The following CCDC180 variants were observed in gnomAD, a reference collection of about 807,000 sequenced individuals.
The protein encoded by CCDC180 is coiled-coil domain-containing protein 180.
Under a neutral mutation model 209.2 loss-of-function variants are expected in CCDC180, and 154 were observed. That is an observed-to-expected ratio of 0.74 (90% CI 0.65 to 0.84). The LOEUF (loss-of-function observed/expected upper bound fraction) is 0.84, where lower values mean the gene tolerates loss of function less well. Among genes scored for constraint, CCDC180 ranks in the 40% least tolerant of loss-of-function variants. The pLI is 0.00. For missense variants in CCDC180, 1,874 were observed against 1,997.3 expected (o/e 0.94, Z 1.18); for synonymous variants, 778 against 749.1 (o/e 1.04, Z -0.63).
rs1471092932 is a variant in CCDC180 at position 97,330,613 on chromosome 9, C to T, written c.2120C>T (p.Ser707Phe). The change falls in exon 18 of 37, where the codon TCC becomes TTC. Residue 707 changes from serine (S) to phenylalanine (F), a missense_variant. By Grantham distance (155) the Ser-to-Phe change is radical (BLOSUM62 -2). Transcript: ENST00000529487. ...QVEREGSLNP[S>F]LNEENVKGQG... ...GAAAGAGAGGGCTCCTTAAACCCAT[C>T]CCTGAATGAGGAGAATGTGAAGGGT... The T allele has an allele frequency of 4.3e-6, 7 of 1,613,614 alleles. No homozygotes were observed. The highest frequency in any genetic ancestry group is 5.9e-6 in the Non-Finnish European group (7 of 1,179,880).
chr9:97,343,293 G>C (rs1447902204), intron 18 of CCDC180, 47 bp from the exon 19 acceptor site: 1 of 1,299,306 alleles, frequency 7.7e-7, no homozygotes. Context: ...GCATTCCCAA[G>C]TCCATTTGAT....
intron 25 of CCDC180, among the ~76,000 whole-genome samples, chr9:97,358,520 C>T (rs1309650147): frequency 7.2e-5 from 11 of 152,050 alleles, no homozygotes; most frequent in Admixed American, 5.2e-4. Flanking sequence ...TGGTTCCAAG[C>T]GTTCGCCTGG....
chr9:97,349,183 G>A lies in CCDC180; in HGVS notation c.2747G>A (p.Arg916Gln), dbSNP rs865873097. ...AGVTETLKKK[R>Q]LMFCQFQEEQ... is the part of the protein sequence containing the mutation. Reference sequence around the variant, plus strand: ...GTGACCGAGACGCTGAAGAAGAAGCGGCTGATGTTCTGCCAGTTCCAAGAA... The same window carrying A: ...GTGACCGAGACGCTGAAGAAGAAGCAGCTGATGTTCTGCCAGTTCCAAGAA... The change falls in exon 21 of 37, where the codon CGG (arginine) becomes CAG (glutamine). Residue 916 changes from arginine to glutamine, a missense_variant. Physicochemically the swap from Arg to Gln is conservative, Grantham distance 43 (BLOSUM62 1). Coordinates refer to ENST00000529487, the MANE Select transcript of CCDC180 (RefSeq NM_020893.6). 16 of 1,536,322 alleles carry A rather than the reference G, an allele frequency of 1.0e-5. No individual in the cohort carries two copies. Among genetic ancestry groups the A allele is most frequent in the South Asian group, 5.9e-5 (5 of 84,062 alleles).
intron 18 of CCDC180, among the ~76,000 whole-genome samples, chr9:97,336,725 T>A (rs1825914568): frequency 6.6e-6 from 1 of 152,218 alleles, no homozygotes; most frequent in Non-Finnish European, 1.5e-5. Flanking sequence ...TTGATGGGGA[T>A]GGCATTGAAT....
In CCDC180 at chr9:97,371,620, T is replaced by G; in HGVS notation, c.4514T>G (p.Val1505Gly). 1 of 1,605,464 alleles carries G rather than the reference T, an allele frequency of 6.2e-7. No individual in the cohort carries two copies. Among genetic ancestry groups the G allele is most frequent in the South Asian group, 1.1e-5 (1 of 90,556 alleles). The change falls in exon 34 of 37, where the codon GTT (valine) becomes GGT (glycine). Residue 1505 changes from valine (V) to glycine (G), a missense_variant. Transcript: ENST00000529487. ...GAATGTACCAGAAGGAATGGCCAGGTTTTCATAACCAACTTGGCCACCTTC... is the reference window on the plus strand; with the variant it reads ...GAATGTACCAGAAGGAATGGCCAGGGTTTCATAACCAACTTGGCCACCTTC... ...LEECTRRNGQ[V>G]FITNLATFTE...
chr9:97,314,446 T>A lies in CCDC180; in HGVS notation c.513T>A (p.Thr171=). 1 of 1,614,002 alleles carries A rather than the reference T, an allele frequency of 6.2e-7. No individual in the cohort carries two copies. Among genetic ancestry groups the A allele is most frequent in the Non-Finnish European group, 8.5e-7 (1 of 1,179,894 alleles). Residue 171 remains threonine, a synonymous_variant, in exon 6 of 37, where the codon ACT becomes ACA. Transcript: ENST00000529487. ...DTGGLFLKKL[T]ESDEEMNRLF... Reference sequence around the variant, plus strand: ...GGGGACTTTTTTTGAAGAAGCTGACTGAGTCTGATGAAGAAATGAACCGTC... The same window carrying A: ...GGGGACTTTTTTTGAAGAAGCTGACAGAGTCTGATGAAGAAATGAACCGTC...
In CCDC180 at chr9:97,349,744, G is replaced by A. The variant is rs1057041059; in HGVS notation, c.2855+453G>A. On this transcript the variant is annotated intron_variant, in intron 21 of 36. Transcript: ENST00000529487. ...AGGGCAGAGCAAGGGGCTCCAGAGAGGCCATTTGGGTTATGAGATGGAGGC... is the reference window on the plus strand; with the variant it reads ...AGGGCAGAGCAAGGGGCTCCAGAGAAGCCATTTGGGTTATGAGATGGAGGC... Among the ~76,000 whole-genome samples, 10 of 152,282 alleles carry A rather than the reference G, an allele frequency of 6.6e-5. 1 individual carries two copies. The Middle Eastern group carries it at 0.017, about 259-fold the overall frequency.
In CCDC180 at chr9:97,343,492, C is replaced by T. The variant is rs144031757; in HGVS notation, c.2427C>T (p.Asn809=). The T allele has an allele frequency of 3.5e-5, 56 of 1,614,042 alleles. No individual in the cohort carries two copies. Among genetic ancestry groups the T allele is most frequent in the African/African-American group, 2.0e-4 (15 of 75,012 alleles). ...CCACCTTCTCAGCCATGTTCATCAA[C>T]GACACTTCCAGTGCCAAGTTCATAG... ...SHSTFSAMFI[N]DTSSAKFIEQ... Residue 809 remains asparagine (N), a synonymous_variant, in exon 19 of 37, where the codon AAC becomes AAT. Coordinates refer to ENST00000529487, the MANE Select transcript of CCDC180 (RefSeq NM_020893.6).
chr9:97,364,019 C>G (rs1469945424), intron 28 of CCDC180, 32 bp from the exon 29 acceptor site: 10 of 1,606,894 alleles, frequency 6.2e-6, no homozygotes, highest in African/African-American at 1.3e-5. Flanking sequence ...TGTCCACAGC[C>G]TCCAGACCAC....
Position 97,366,773 on chromosome 9 carries a change from C to A in CCDC180, c.4189+73C>A. 1 of 1,541,152 alleles carries A rather than the reference C, an allele frequency of 6.5e-7. No individual in the cohort carries two copies. Reference sequence around the variant, plus strand: ...GCCAGTGGTGGAGCTCGGCCTTGGCCTTGTGGCCTGGATCCTCCCCTCTGG... The same window carrying A: ...GCCAGTGGTGGAGCTCGGCCTTGGCATTGTGGCCTGGATCCTCCCCTCTGG... On this transcript the variant is annotated intron_variant, in intron 31 of 36. Transcript: ENST00000529487. The surrounding 1 kb of genome is among the most constrained non-coding windows in gnomAD (Gnocchi z 4.3).
In CCDC180 at chr9:97,318,319, A is replaced by C. The variant is rs953326336; in HGVS notation, c.960-144A>C. 6 of 943,554 alleles carry C rather than the reference A, an allele frequency of 6.4e-6. No homozygotes were observed. The African/African-American group carries it at 1.0e-4, about 16-fold the overall frequency. 58.4% of individuals were successfully genotyped at this position (943,554 alleles called of 1,614,324 possible). ...TCTTTAGGGTCCTAGAGAAGAGGCA[A>C]AGTCTGGGGAGGAAGGGGCTGGGGG... On this transcript the variant is annotated intron_variant, in intron 9 of 36. Coordinates refer to ENST00000529487, the MANE Select transcript of CCDC180 (RefSeq NM_020893.6).
At chr9:97,371,769 G>A (rs1827108933) in intron 34 of CCDC180, 63 bp downstream of exon 34, 2 of 1,027,574 alleles carry the variant, frequency 1.9e-6, no homozygotes, top group South Asian at 1.7e-5. Flanking sequence ...AGGTTGGGCA[G>A]GGGTCTGCTT....
At chr9:97,374,806 A>G (rs3747491) in intron 35 of CCDC180, among the ~76,000 whole-genome samples, 158 bp downstream of exon 35, 32,517 of 152,162 alleles carry the variant, frequency 0.21, 3,720 homozygotes, top group East Asian at 0.39. Context: ...GAGCATGGCC[A>G]CTTACCTTGA....
At chr9:97,309,884 A>C (rs989421471) in intron 3 of CCDC180, among the ~76,000 whole-genome samples, 6 of 152,124 alleles carry the variant, frequency 3.9e-5, no homozygotes, top group African/African-American at 1.4e-4. Flanking sequence ...ATAAATAAGC[A>C]CATCCCCCCA....
Position 97,362,240 on chromosome 9 carries a change from C to T in CCDC180, c.3701C>T (p.Pro1234Leu), listed in dbSNP as rs375720629. 14 of 1,613,760 alleles carry T rather than the reference C, an allele frequency of 8.7e-6. No individual in the cohort carries two copies. In the African/African-American group the frequency reaches 1.1e-4, roughly 12 times the overall value. The change falls in exon 28 of 37, where the codon CCG becomes CTG. Residue 1234 changes from proline (P) to leucine (L), a missense_variant. Transcript: ENST00000529487. ...CCAACCCACCATTGTGACAAAGATC[C>T]GTCCCAGACAGGTAGAGGCGCATGG... ...KWPTHHCDKD[P>L]SQTGRGAWAC...
intron 18 of CCDC180, among the ~76,000 whole-genome samples, chr9:97,333,888 T>G (rs1454933684): frequency 6.6e-6 from 1 of 151,940 alleles, no homozygotes; most frequent in African/African-American, 2.4e-5. Flanking sequence ...AGGTGTGATC[T>G]CAGCTCACTG....
chr9:97,363,509 C>G (rs780688213), intron 28 of CCDC180: 1 of 481,340 alleles, frequency 2.1e-6, no homozygotes, highest in Non-Finnish European at 4.4e-6. Flanking sequence ...TGAGAGGTTA[C>G]GAAACAAAGT....
At chr9:97,374,947 T>TGGGG (rs1284503090) in intron 35 of CCDC180, among the ~76,000 whole-genome samples, 1 of 152,070 alleles carries the variant, frequency 6.6e-6, no homozygotes, top group Non-Finnish European at 1.5e-5. Flanking sequence ...CCTGGCTCAG[T>TGGGG]GGGGGACACA....
rs1440150632 is a variant in CCDC180, at chr9:97,308,123, C to T, written c.60C>T (p.Phe20=). ...VPNGKAYQQI[F]QAEVQLVHSL... is the part of the protein sequence containing the mutation. ...ATGGGAAAGCCTACCAGCAGATCTT[C>T]CAGGCTGAGGTAGGAGCCGCCCTCT... Residue 20 remains phenylalanine, a synonymous_variant, in exon 2 of 37, where the codon TTC becomes TTT. Transcript: ENST00000529487. 1 of 1,604,368 alleles carries T rather than the reference C, an allele frequency of 6.2e-7. No individual in the cohort carries two copies. The highest frequency in any genetic ancestry group is 8.5e-7 in the Non-Finnish European group (1 of 1,175,476).
Sources: gnomAD v4.1 joint callset for allele counts (sites outside exome capture counted in the v4.1 genomes callset) on GRCh38, gnomAD v4.1.1 for gene constraint, Gnocchi (gnomAD v3.1) non-coding constraint, MANE v1.5 for transcripts, NCBI Gene and HGNC (gene_info 2026-07-23, HGNC 2026-07-21) for gene names.